PCDHGB1: variants seen among roughly 807,000 people sequenced by gnomAD.
The protein encoded by PCDHGB1 is protocadherin gamma-B1.
In PCDHGB1, 34 loss-of-function variants were observed where a neutral mutation model predicts 56.6. That is an observed-to-expected ratio of 0.60 (90% CI 0.46 to 0.80). PCDHGB1 has a LOEUF of 0.80. Ranked by LOEUF, PCDHGB1 falls within the 30% of genes least tolerant of loss-of-function variation. The pLI, the probability that PCDHGB1 is intolerant of heterozygous loss-of-function variation, is 0.00. For missense variants in PCDHGB1, 1,278 were observed against 1,204.6 expected (o/e 1.06, Z -0.90); for synonymous variants, 561 against 505.9 (o/e 1.11, Z -1.46).
At chr5:141,456,099 G>A (rs1428094221) in intron 1 of PCDHGB1, among the ~76,000 whole-genome samples, 5 of 151,980 alleles carry the variant, frequency 3.3e-5, no homozygotes, top group East Asian at 1.9e-4. Flanking sequence ...GGATTTCACC[G>A]TGTTAGCCAG....
intron 1 of PCDHGB1, among the ~76,000 whole-genome samples, chr5:141,469,538 G>A (rs2099204234): frequency 6.6e-6 from 1 of 152,168 alleles, no homozygotes; most frequent in Non-Finnish European, 1.5e-5. Flanking sequence ...TTGTGCCACT[G>A]CACTCCAGCC....
At chr5:141,370,971 G>T in intron 1 of PCDHGB1, 1 of 1,614,016 alleles carries the variant, frequency 6.2e-7, no homozygotes, top group Non-Finnish European at 8.5e-7. Context: ...TAGGTACCCA[G>T]AGCTAGTACT....
At chr5:141,415,274 C>T (rs775112066) in intron 1 of PCDHGB1, 19 of 1,614,086 alleles carry the variant, frequency 1.2e-5, no homozygotes, top group Admixed American at 1.0e-4. Context: ...CTGGTGGTAG[C>T]GGTGGCCGCG....
intron 1 of PCDHGB1, chr5:141,364,610 G>A (rs772530649): frequency 1.2e-6 from 2 of 1,614,152 alleles, no homozygotes; most frequent in South Asian, 1.1e-5. Context: ...AGACCGGGAG[G>A]AGCTCTGCGC....
rs2099417434 is a variant in PCDHGB1, at chr5:141,477,762, C to T, written c.2410-17045C>T. 1 of 1,613,968 alleles carries T rather than the reference C, an allele frequency of 6.2e-7. No homozygotes were observed. The highest frequency in any genetic ancestry group is 8.5e-7 in the Non-Finnish European group (1 of 1,180,032). On this transcript the variant is annotated intron_variant, in intron 1 of 3. Transcript: ENST00000523390. This position sits in a 1 kb window ranked among gnomAD's most constrained non-coding sequence, Gnocchi z 4.9. ...GATGGGGGCACCCCGGTCCTAGCCA[C>T]CAACATCAGCGTGAACATATTTGTC...
chr5:141,399,320 A>G, intron 1 of PCDHGB1: 3 of 1,614,010 alleles, frequency 1.9e-6, no homozygotes, highest in Non-Finnish European at 2.5e-6. Context: ...AAAAATTCGT[A>G]TAAGTTGGTA....
Position 141,372,427 on chromosome 5 carries a change from G to A in PCDHGB1, c.2409+19758G>A. On this transcript the variant is annotated intron_variant, in intron 1 of 3. Coordinates refer to ENST00000523390, the MANE Select transcript of PCDHGB1 (RefSeq NM_018922.3). ...GAGATACAACCTGACCTTAGCGACC[G>A]CCCCACTCCCTCTGACCCTCAGGCG... 6.2e-7 allele frequency: 1 copy of A among 1,613,990 alleles called. No homozygotes were observed. The highest frequency in any genetic ancestry group is 8.5e-7 in the Non-Finnish European group (1 of 1,179,882).
In PCDHGB1 at chr5:141,433,363, CTATCT is replaced by C. The variant is rs2097590943; in HGVS notation, c.2410-61443_2410-61439del. On this transcript the variant is annotated intron_variant, in intron 1 of 3. Transcript: ENST00000523390. ...TGCAAGCCACCTACTGTCTGCCTAT[CTATCT>C]ATCTATCTATCTATCTATCTATCTA... 4 of 463,386 alleles carry C rather than the reference CTATCT, an allele frequency of 8.6e-6. No homozygotes were observed. The African/African-American group carries it at 1.1e-4, about 13-fold the overall frequency. 28.7% of individuals were successfully genotyped at this position (463,386 alleles called of 1,614,324 possible). A position where few individuals can be genotyped will look rare whatever the true frequency, so the allele number is the denominator to read the frequency against.
chr5:141,427,213 G>A (rs566924176), intron 1 of PCDHGB1: 3 of 456,706 alleles, frequency 6.6e-6, no homozygotes, highest in East Asian at 6.9e-5. Context: ...TTCGAATTTC[G>A]TAGCAGTTAT....
At chr5:141,444,725 T>C (rs1178418239) in intron 1 of PCDHGB1, among the ~76,000 whole-genome samples, 1 of 152,370 alleles carries the variant, frequency 6.6e-6, no homozygotes, top group East Asian at 1.9e-4. Flanking sequence ...TTGGTGCCTT[T>C]GTTGAAAGTC....
In PCDHGB1 at chr5:141,394,544, G is replaced by A. The variant is rs759661980; in HGVS notation, c.2409+41875G>A. 2.5e-6 allele frequency: 4 copies of A among 1,614,054 alleles called. No individual in the cohort carries two copies. In the South Asian group the frequency reaches 3.3e-5, roughly 13 times the overall value. ...CAGACGGTTCCACTGGCGTGGAGCT[G>A]GCGCCCCGCTCCGCAGAGCGTGGCT... On this transcript the variant is annotated intron_variant, in intron 1 of 3. Coordinates refer to ENST00000523390, the MANE Select transcript of PCDHGB1 (RefSeq NM_018922.3).
rs201857404 is a variant in PCDHGB1, at chr5:141,485,844, G to C, written c.2410-8963G>C. The C allele has an allele frequency of 1.1e-5, 18 of 1,613,772 alleles. No homozygotes were observed. The highest frequency in any genetic ancestry group is 1.4e-5 in the Non-Finnish European group (16 of 1,179,956). ...GATGGAGGGAACCCGCCGAGATCTG[G>C]CACCGCAGAGCTCCGGGTATCCGTG... is the stretch of plus-strand genomic sequence containing the variant. On this transcript the variant is annotated intron_variant, in intron 1 of 3. Transcript: ENST00000523390. This position sits in a 1 kb window ranked among gnomAD's most constrained non-coding sequence, Gnocchi z 5.7.
intron 3 of PCDHGB1, among the ~76,000 whole-genome samples, chr5:141,506,190 C>T (rs1313145580): frequency 6.6e-6 from 1 of 152,180 alleles, no homozygotes; most frequent in Non-Finnish European, 1.5e-5. Flanking sequence ...GTGGCTCACG[C>T]CTGTAATCCC....
intron 1 of PCDHGB1, chr5:141,413,071 G>A (rs1589838233): frequency 1.7e-6 from 2 of 1,211,262 alleles, no homozygotes; most frequent in Admixed American, 2.8e-5. Flanking sequence ...AATTTAAAGT[G>A]CCCAGGCTAC....
chr5:141,470,794 C>T (rs1332287628), intron 1 of PCDHGB1, among the ~76,000 whole-genome samples: 1 of 152,162 alleles, frequency 6.6e-6, no homozygotes, highest in African/African-American at 2.4e-5. Flanking sequence ...CTCAAGCAAT[C>T]CTCCCACTTC....
At chr5:141,419,878 G>A in intron 1 of PCDHGB1, 2 of 1,614,060 alleles carry the variant, frequency 1.2e-6, no homozygotes, top group Non-Finnish European at 1.7e-6. Context: ...AGGTACTGCC[G>A]GATTTCAGCG....
intron 1 of PCDHGB1, chr5:141,355,385 G>A (rs746094461): frequency 1.2e-6 from 2 of 1,614,056 alleles, no homozygotes; most frequent in Non-Finnish European, 1.7e-6. Flanking sequence ...CTGGCGGAGC[G>A]CGGAGTCCGC....
chr5:141,362,140 C>A (rs1762345318), intron 1 of PCDHGB1: 2 of 1,614,056 alleles, frequency 1.2e-6, no homozygotes, highest in Non-Finnish European at 1.7e-6. Context: ...GGATAGCCTG[C>A]AAGAGGTATT....
rs371245499 is a variant in PCDHGB1 at position 141,399,811 on chromosome 5, G to T, written c.2409+47142G>T. 1.0e-4 allele frequency: 169 copies of T among 1,613,100 alleles called. No homozygotes were observed. The highest frequency in any genetic ancestry group is 1.4e-4 in the Non-Finnish European group (163 of 1,179,762). ...CAACGCACCGCGGGTGCTGTACCCC[G>T]CGCTGGGTCCCGACGGCTCTGCGCT... On this transcript the variant is annotated intron_variant, in intron 1 of 3. Coordinates refer to ENST00000523390, the MANE Select transcript of PCDHGB1 (RefSeq NM_018922.3).
Sources: gnomAD v4.1 joint callset for allele counts (sites outside exome capture counted in the v4.1 genomes callset) on GRCh38, gnomAD v4.1.1 for gene constraint, Gnocchi (gnomAD v3.1) non-coding constraint, MANE v1.5 for transcripts, NCBI Gene and HGNC (gene_info 2026-07-23, HGNC 2026-07-21) for gene names.